Variants in APOBEC3C observed in about 807,000 individuals in gnomAD.
APOBEC3C encodes the protein apolipoprotein B mRNA editing enzyme catalytic subunit 3C, also known as DNA dC->dU-editing enzyme APOBEC-3C.
In APOBEC3C, 14 loss-of-function variants were observed where a neutral mutation model predicts 20.6. The observed-to-expected ratio is 0.68, with a 90% CI of 0.45 to 1.06. APOBEC3C has a LOEUF of 1.06. APOBEC3C is among the 50% of genes least tolerant of loss of function. The pLI is 0.00. For missense variants in APOBEC3C, 244 were observed against 241.9 expected, an observed-to-expected ratio of 1.01 and a Z score of -0.06; for synonymous variants, 98 against 88.8, an observed-to-expected ratio of 1.10 and a Z score of -0.58.
rs1354760564 is a variant in APOBEC3C, at chr22:39,018,370, C to T, written c.556C>T (p.Arg186Trp). 6 of 1,613,880 alleles carry T rather than the reference C, an allele frequency of 3.7e-6. No homozygotes were observed. The highest frequency in any genetic ancestry group is 1.7e-5 in the Admixed American group (1 of 60,004). ...CTTTCGACTTCTGAAAAGAAGGCTA[C>T]GGGAGAGTCTCCAGTGAGGGGTCTC... ...TNFRLLKRRL[R>W]ESLQ is the part of the protein sequence containing the mutation. Residue 186 changes from arginine to tryptophan, a missense_variant, in exon 4 of 4, where the codon CGG (arginine) becomes TGG (tryptophan). Coordinates refer to ENST00000361441, the MANE Select transcript of APOBEC3C (RefSeq NM_014508.3).
chr22:39,020,271 A>C lies in APOBEC3C; in HGVS notation c.*1884A>C, dbSNP rs1199264913. 3.3e-5 allele frequency: 5 copies of C among 152,262 alleles called. No individual in the cohort carries two copies. Among genetic ancestry groups the C allele is most frequent in the Non-Finnish European group, 7.3e-5 (5 of 68,064 alleles). 9.4% of individuals were successfully genotyped at this position (152,262 alleles called of 1,614,324 possible). A position where few individuals can be genotyped will look rare whatever the true frequency, so the allele number is the denominator to read the frequency against. On this transcript the variant is annotated 3_prime_UTR_variant, in exon 4 of 4. Coordinates refer to ENST00000361441, the MANE Select transcript of APOBEC3C (RefSeq NM_014508.3). ...AATGTCTGTCTCTGGTGTTAACCAG[A>C]GGCTGCTCTTCCCAGGCTGCTGGAT... is the stretch of plus-strand genomic sequence containing the variant.
chr22:39,015,737 G>A lies in APOBEC3C; in HGVS notation c.160G>A (p.Val54Ile), dbSNP rs756657821. 17 of 1,613,746 alleles carry A rather than the reference G, an allele frequency of 1.1e-5. No individual in the cohort carries two copies. Among genetic ancestry groups the A allele is most frequent in the South Asian group, 9.9e-5 (9 of 91,048 alleles). The change falls in exon 2 of 4, where the codon GTC becomes ATC. Residue 54 changes from valine to isoleucine, a missense_variant. Transcript: ENST00000361441. ...CTCAGTTGTCTCCTGGAAGACGGGC[G>A]TCTTCCGAAACCAGGTAGCACCAAA... is the stretch of plus-strand genomic sequence containing the variant. ...RRSVVSWKTG[V>I]FRNQVDSETH...
chr22:39,016,380 T>C lies in APOBEC3C; in HGVS notation c.174+629T>C, dbSNP rs535912221. On this transcript the variant is annotated intron_variant, in intron 2 of 3. Transcript: ENST00000361441. ...ATGCCCAGCTAATTTTTTCTTTTTT[T>C]CTTTTTTTTTTTTTTTTTAGTAGAG... Among the ~76,000 whole-genome samples the C allele has an allele frequency of 9.8e-4, 95 of 96,898 alleles. 3 individuals are homozygous for C. The South Asian group carries it at 0.019, about 20-fold the overall frequency. The allele number at this position is 96,898 out of a possible 152,430, so 63.6% of individuals were successfully genotyped here.
chr22:39,017,707 C>G, intron 2 of APOBEC3C, 59 bp from the exon 3 acceptor site: 1 of 1,580,434 alleles, frequency 6.3e-7, no homozygotes, highest in Non-Finnish European at 8.6e-7. Flanking sequence ...TCGCCCCACC[C>G]CTGCACTCCT....
chr22:39,016,154 A>G (rs1924772984), intron 2 of APOBEC3C, among the ~76,000 whole-genome samples: 1 of 138,836 alleles, frequency 7.2e-6, no homozygotes, highest in South Asian at 2.3e-4. Context: ...CTAGGATTAC[A>G]TGCGTGAGAC....
In APOBEC3C at chr22:39,017,767, T is replaced by A. The variant is rs1266589245; in HGVS notation, c.176T>A (p.Val59Glu). ...GTCCTCCTCCTCCTCCTTCGCCAGG[T>A]GGATTCTGAGACCCATTGTCATGCA... ...SWKTGVFRNQVDSETHCHAER... is the reference protein window; with the variant it reads ...SWKTGVFRNQEDSETHCHAER... The change falls in exon 3 of 4, where the codon GTG becomes GAG. Residue 59 changes from valine (V) to glutamate (E), a missense_variant and splice_region_variant. Physicochemically the swap from Val to Glu is moderately radical, Grantham distance 121 (BLOSUM62 -2). Coordinates refer to ENST00000361441, the MANE Select transcript of APOBEC3C (RefSeq NM_014508.3). 4.3e-6 allele frequency: 7 copies of A among 1,611,992 alleles called. No individual in the cohort carries two copies. The highest frequency in any genetic ancestry group is 5.9e-6 in the Non-Finnish European group (7 of 1,178,328).
chr22:39,017,624 A>G, intron 2 of APOBEC3C, 142 bp from the exon 3 acceptor site: 1 of 1,124,260 alleles, frequency 8.9e-7, no homozygotes, highest in Non-Finnish European at 1.3e-6. Flanking sequence ...CCTGTGCACC[A>G]GAGAGAGACC....
In APOBEC3C at chr22:39,020,173, G is replaced by T. The variant is rs1398651005; in HGVS notation, c.*1786G>T. 2 of 152,178 alleles carry T rather than the reference G, an allele frequency of 1.3e-5. No individual in the cohort carries two copies. Among genetic ancestry groups the T allele is most frequent in the African/African-American group, 4.8e-5 (2 of 41,414 alleles). 9.4% of individuals were successfully genotyped at this position (152,178 alleles called of 1,614,324 possible). ...TACATGAATATTCATAGCTCCTCCT[G>T]TAGCCTGTTGAATATGTATGTTTAG... On this transcript the variant is annotated 3_prime_UTR_variant, in exon 4 of 4. Transcript: ENST00000361441.
chr22:39,014,297 A>C lies in APOBEC3C; in HGVS notation c.-66A>C, dbSNP rs1286340475. The C allele has an allele frequency of 1.1e-5, 18 of 1,605,424 alleles. No homozygotes were observed. The highest frequency in any genetic ancestry group is 1.7e-5 in the Admixed American group (1 of 59,984). On this transcript the variant is annotated 5_prime_UTR_variant, in exon 1 of 4. Coordinates refer to ENST00000361441, the MANE Select transcript of APOBEC3C (RefSeq NM_014508.3). ...GCTCAACTGCAAGGACGCTGTAAGC[A>C]GGAAGAGAAGCCACAGCGCTTCAGA...
chr22:39,017,175 T>G (rs1054643363), intron 2 of APOBEC3C, among the ~76,000 whole-genome samples: 5 of 151,878 alleles, frequency 3.3e-5, no homozygotes, highest in Admixed American at 6.6e-5. Flanking sequence ...GAGGTTGCAG[T>G]GAGCCGAGAT....
chr22:39,016,181 C>T, intron 2 of APOBEC3C, among the ~76,000 whole-genome samples: 1 of 91,058 alleles, frequency 1.1e-5, no homozygotes, highest in African/African-American at 4.4e-5. Flanking sequence ...CCCCTGGCCT[C>T]CTCCCCACAT....
rs539385793 is a variant in APOBEC3C at position 39,019,798 on chromosome 22, C to CTTATT, written c.*1413_*1414insATTTT. On this transcript the variant is annotated 3_prime_UTR_variant, in exon 4 of 4. Transcript: ENST00000361441. ...GGATCTCTCTGCCTCCAAATATCAT[C>CTTATT]TTTTTTTTTTTTTTTTTTTTTTTTG... 3 of 81,290 alleles carry CTTATT rather than the reference C, an allele frequency of 3.7e-5. No individual in the cohort carries two copies. Among genetic ancestry groups the CTTATT allele is most frequent in the East Asian group, 8.4e-4 (2 of 2,372 alleles). 5.0% of individuals were successfully genotyped at this position (81,290 alleles called of 1,614,324 possible).
intron 1 of APOBEC3C, among the ~76,000 whole-genome samples, chr22:39,015,126 C>T (rs747653500): frequency 3.3e-5 from 5 of 151,936 alleles, no homozygotes; most frequent in Non-Finnish European, 7.4e-5. Flanking sequence ...GGTGAAACCT[C>T]GTCTCTACTG....
At chr22:39,016,418 G>T (rs1160457505) in intron 2 of APOBEC3C, among the ~76,000 whole-genome samples, 2 of 132,544 alleles carry the variant, frequency 1.5e-5, no homozygotes, top group East Asian at 4.3e-4. Flanking sequence ...GGGGTTTCAT[G>T]GTGTTAGCCA....
chr22:39,015,235 G>T (rs926827401), intron 1 of APOBEC3C, among the ~76,000 whole-genome samples: 1 of 151,824 alleles, frequency 6.6e-6, no homozygotes, highest in Non-Finnish European at 1.5e-5. Flanking sequence ...AGGGGTGGAG[G>T]TTGCAGTGAG....
rs1924970258 is a variant in APOBEC3C at position 39,019,885 on chromosome 22, A to G, written c.*1498A>G. 7.2e-6 allele frequency: 1 copy of G among 138,582 alleles called. No homozygotes were observed. The highest frequency in any genetic ancestry group is 8.2e-5 in the Admixed American group (1 of 12,144). The allele number at this position is 138,582 out of a possible 1,614,324, so 8.6% of individuals were successfully genotyped here. A position where few individuals can be genotyped will look rare whatever the true frequency, so the allele number is the denominator to read the frequency against. On this transcript the variant is annotated 3_prime_UTR_variant, in exon 4 of 4. Transcript: ENST00000361441. The stretch of plus-strand genomic sequence containing the variant: ...CAATGGCACAATCTGGACTCACTGC[A>G]ACCTCCGCCTCCCGAGTTTAAGCGA...
At chr22:39,016,383 T>C (rs1410893456) in intron 2 of APOBEC3C, among the ~76,000 whole-genome samples, 1 of 142,820 alleles carries the variant, frequency 7.0e-6, no homozygotes, top group Non-Finnish European at 1.5e-5. Context: ...CTTTTTTTCT[T>C]TTTTTTTTTT....
chr22:39,017,199 T>C (rs1264006034), intron 2 of APOBEC3C, among the ~76,000 whole-genome samples: 2 of 151,642 alleles, frequency 1.3e-5, no homozygotes, highest in East Asian at 3.9e-4. Flanking sequence ...GCCACTGCAC[T>C]CCAGCCTTGG....
chr22:39,019,173 T>C lies in APOBEC3C; in HGVS notation c.*786T>C, dbSNP rs1164070556. Reference sequence around the variant, plus strand: ...AAGCAGTCAGGCCACACAACATTGTTTCCGAAATGGACTTCTCTGCAAGCC... The same window carrying C: ...AAGCAGTCAGGCCACACAACATTGTCTCCGAAATGGACTTCTCTGCAAGCC... On this transcript the variant is annotated 3_prime_UTR_variant, in exon 4 of 4. Transcript: ENST00000361441. The C allele has an allele frequency of 6.6e-6, 1 of 152,226 alleles. No homozygotes were observed. Among genetic ancestry groups the C allele is most frequent in the Non-Finnish European group, 1.5e-5 (1 of 68,040 alleles). The allele number at this position is 152,226 out of a possible 1,614,324, so 9.4% of individuals were successfully genotyped here.
Sources: gnomAD v4.1 joint callset for allele counts (sites outside exome capture counted in the v4.1 genomes callset) on GRCh38, gnomAD v4.1.1 for gene constraint, MANE v1.5 for transcripts, NCBI Gene and HGNC (gene_info 2026-07-23, HGNC 2026-07-21) for gene names.